The following NRG3 variants were observed in gnomAD, a reference collection of about 807,000 sequenced individuals.
The protein encoded by NRG3 is neuregulin 3.
In NRG3, 31 loss-of-function variants were observed where a neutral mutation model predicts 66.9. The observed-to-expected ratio is 0.46, with a 90% CI of 0.35 to 0.63. The LOEUF (loss-of-function observed/expected upper bound fraction) is 0.63. Among genes scored for constraint, NRG3 ranks in the 20% least tolerant of loss-of-function variants. NRG3 has a pLI of 0.00. For synonymous variants in NRG3, 393 were observed against 359.4 expected, an observed-to-expected ratio of 1.09 and a Z score of -1.06; for missense variants, 910 against 878.9, an observed-to-expected ratio of 1.04 and a Z score of -0.45.
chr10:82,364,208 A>G (rs1280840810), intron 2 of NRG3, among the ~76,000 whole-genome samples: 1 of 152,208 alleles, frequency 6.6e-6, no homozygotes, highest in African/African-American at 2.4e-5. Context: ...TATTGAGCTG[A>G]TAAGAGAACT....
chr10:82,952,147 A>C (rs1358060919), intron 5 of NRG3, among the ~76,000 whole-genome samples: 1 of 152,116 alleles, frequency 6.6e-6, no homozygotes, highest in Non-Finnish European at 1.5e-5. Flanking sequence ...CTAGAAATAG[A>C]TGTAGGCCAG....
At chr10:82,226,214 G>A (rs1320693791) in intron 1 of NRG3, among the ~76,000 whole-genome samples, 1 of 152,106 alleles carries the variant, frequency 6.6e-6, no homozygotes, top group Admixed American at 6.5e-5. Context: ...AGATTTGTCT[G>A]TGGCTCCTCT....
At chr10:82,574,971 G>T (rs80123264) in intron 2 of NRG3, among the ~76,000 whole-genome samples, 176 of 151,800 alleles carry the variant, frequency 1.2e-3, no homozygotes, top group African/African-American at 4.1e-3. Flanking sequence ...CAAAATTTCA[G>T]TTAGAGAGAA....
intron 2 of NRG3, among the ~76,000 whole-genome samples, chr10:82,503,974 GA>G (rs34530783): frequency 2.0e-5 from 3 of 151,876 alleles, no homozygotes; most frequent in East Asian, 1.9e-4. Context: ...CTGTTAAATG[GA>G]AAAAAAATGC....
chr10:82,466,938 T>C (rs1261351101), intron 2 of NRG3, among the ~76,000 whole-genome samples: 1 of 151,096 alleles, frequency 6.6e-6, no homozygotes, highest in African/African-American at 2.4e-5. Flanking sequence ...ACAAAACATA[T>C]TGGCCATACA....
At chr10:82,004,101 A>T (rs572623524) in intron 1 of NRG3, among the ~76,000 whole-genome samples, 2 of 151,984 alleles carry the variant, frequency 1.3e-5, no homozygotes, top group East Asian at 3.9e-4. Context: ...AAATATTTTT[A>T]TTGGGTTGCA....
chr10:82,884,126 T>G (rs1172938519), intron 4 of NRG3, among the ~76,000 whole-genome samples: 1 of 151,882 alleles, frequency 6.6e-6, no homozygotes, highest in Non-Finnish European at 1.5e-5. Context: ...GGTCTACACT[T>G]TGTTTTACCT....
At chr10:82,795,231 A>G (rs571761653) in intron 3 of NRG3, among the ~76,000 whole-genome samples, 1 of 152,326 alleles carries the variant, frequency 6.6e-6, no homozygotes, top group South Asian at 2.1e-4. Flanking sequence ...ATTTTTTAAA[A>G]AGTTACACAT....
chr10:82,030,835 G>A (rs1223205113), intron 1 of NRG3, among the ~76,000 whole-genome samples: 3 of 152,062 alleles, frequency 2.0e-5, no homozygotes, highest in African/African-American at 4.8e-5. Flanking sequence ...TTAAAACAAC[G>A]TTCAGAGTAA....
At position 82,311,830 on chromosome 10, in the gene NRG3, A is replaced by G. The variant is rs574124928; in HGVS notation, c.824-46909A>G. ...TCATTTTGCCCACAATCATTCAAGT[A>G]GTAAATGGTAGACCTGACGTTCATT... On this transcript the variant is annotated intron_variant, in intron 1 of 8. Coordinates refer to ENST00000372141, the MANE Select transcript of NRG3 (RefSeq NM_001010848.4). 4.6e-5 allele frequency among the ~76,000 whole-genome samples: 7 copies of G among 152,324 alleles called. 1 individual carries two copies. The East Asian group carries it at 1.4e-3, about 29-fold the overall frequency.
chr10:82,646,359 C>T (rs767526431), intron 2 of NRG3, among the ~76,000 whole-genome samples: 8 of 152,088 alleles, frequency 5.3e-5, no homozygotes, highest in South Asian at 2.1e-4. Flanking sequence ...ATTCTTAGAA[C>T]GCAAAAGGAT....
chr10:82,692,752 T>C (rs1260535421), intron 2 of NRG3, among the ~76,000 whole-genome samples: 1 of 152,238 alleles, frequency 6.6e-6, no homozygotes, highest in Non-Finnish European at 1.5e-5. Flanking sequence ...ACATCTGGTG[T>C]AAACACTTGT....
intron 1 of NRG3, among the ~76,000 whole-genome samples, chr10:82,245,223 C>T (rs754092249): frequency 6.6e-6 from 1 of 152,116 alleles, no homozygotes; most frequent in Non-Finnish European, 1.5e-5. Context: ...ATAGGGAGAG[C>T]ATAACCTAGA....
chr10:82,143,155 G>A (rs2132666436), intron 1 of NRG3, among the ~76,000 whole-genome samples: 1 of 152,152 alleles, frequency 6.6e-6, no homozygotes, highest in Middle Eastern at 3.4e-3. Flanking sequence ...CTAGGTTCCA[G>A]TTCAAGAATG....
chr10:82,200,937 C>T (rs1167502971), intron 1 of NRG3, among the ~76,000 whole-genome samples: 1 of 152,102 alleles, frequency 6.6e-6, no homozygotes, highest in Non-Finnish European at 1.5e-5. Context: ...TTGGCTCACA[C>T]CTGTAATCCC....
chr10:82,156,115 C>T (rs2071164481), intron 1 of NRG3, among the ~76,000 whole-genome samples: 1 of 151,574 alleles, frequency 6.6e-6, no homozygotes, highest in South Asian at 2.1e-4. Flanking sequence ...GGTACTTGTG[C>T]TAACATTGTC....
intron 1 of NRG3, among the ~76,000 whole-genome samples, chr10:82,098,285 A>G (rs1185450855): frequency 2.0e-5 from 3 of 151,336 alleles, no homozygotes; most frequent in Non-Finnish European, 4.4e-5. Flanking sequence ...TATATATGTC[A>G]TTTATATATA....
chr10:82,867,883 C>A (rs1270806813), intron 4 of NRG3, among the ~76,000 whole-genome samples: 2 of 152,102 alleles, frequency 1.3e-5, no homozygotes, highest in East Asian at 3.9e-4. Context: ...TCCTCATTCG[C>A]TAATGATGGC....
chr10:82,976,737 G>T (rs1387360258), intron 7 of NRG3, among the ~76,000 whole-genome samples: 1 of 152,118 alleles, frequency 6.6e-6, no homozygotes, highest in Non-Finnish European at 1.5e-5. Flanking sequence ...GAGATAGACG[G>T]CAGGGAGGAC....
Sources: allele counts gnomAD v4.1 joint callset (sites outside exome capture counted in the v4.1 genomes callset), GRCh38; gene constraint gnomAD v4.1.1; transcripts MANE v1.5; gene names NCBI Gene and HGNC (gene_info 2026-07-23, HGNC 2026-07-21).